Variants in WDR75 observed in about 807,000 individuals in gnomAD.
The protein encoded by WDR75 is WD repeat-containing protein 75.
In WDR75, 52 loss-of-function variants were observed where a neutral mutation model predicts 106.1. The observed-to-expected ratio is 0.49, with a 90% CI of 0.39 to 0.62. The LOEUF is 0.62. Ranked by LOEUF, WDR75 falls within the 20% of genes least tolerant of loss-of-function variation. WDR75 has a pLI of 0.00. For synonymous variants in WDR75, 333 were observed against 335.5 expected, an observed-to-expected ratio of 0.99 and a Z score of 0.08; for missense variants, 905 against 970.3, an observed-to-expected ratio of 0.93 and a Z score of 0.89.
chr2:189,472,468 A>G (rs910199790), intron 18 of WDR75, among the ~76,000 whole-genome samples: 1 of 152,086 alleles, frequency 6.6e-6, no homozygotes, highest in African/African-American at 2.4e-5. Context: ...ATGGTTCTCT[A>G]TTATTCTTAT....
rs1171655333 is a variant in WDR75 at position 189,466,466 on chromosome 2, G to A, written c.1331G>A (p.Cys444Tyr). ...AAAATTAACATGCCACACGAAGACT[G>A]CATTACAGCTCTCTGTTTCTGTAAT... The part of the protein sequence containing the change: ...NTKINMPHED[C>Y]ITALCFCNAE... The change falls in exon 13 of 21, where the codon TGC (cysteine) becomes TAC (tyrosine). Residue 444 changes from cysteine to tyrosine, a missense_variant. Physicochemically the swap from Cys to Tyr is radical, Grantham distance 194 (BLOSUM62 -2). Coordinates refer to ENST00000314761, the MANE Select transcript of WDR75 (RefSeq NM_032168.3). The A allele has an allele frequency of 1.2e-6, 2 of 1,613,156 alleles. No homozygotes were observed. The highest frequency in any genetic ancestry group is 8.5e-7 in the Non-Finnish European group (1 of 1,179,372).
At chr2:189,474,914 A>G (rs1687183301) in intron 20 of WDR75, 106 bp downstream of exon 20, 6 of 931,008 alleles carry the variant, frequency 6.4e-6, no homozygotes, top group Admixed American at 2.7e-5. Flanking sequence ...TTTTTATTTC[A>G]TAAGTTTTAA....
chr2:189,454,887 T>C (rs1014623122), intron 4 of WDR75, among the ~76,000 whole-genome samples: 22 of 152,190 alleles, frequency 1.4e-4, no homozygotes. Flanking sequence ...CTTTAAGGTA[T>C]GTTTTGTTCA....
chr2:189,447,200 C>T (rs1018992214), intron 1 of WDR75, among the ~76,000 whole-genome samples: 6 of 152,174 alleles, frequency 3.9e-5, no homozygotes, highest in Non-Finnish European at 7.3e-5. Context: ...AGAGCAAATA[C>T]TTTTTACTTG....
intron 1 of WDR75, among the ~76,000 whole-genome samples, chr2:189,442,411 T>G (rs982385399): frequency 2.6e-5 from 4 of 151,716 alleles, no homozygotes; most frequent in Admixed American, 6.6e-5. Context: ...AGAGATAGTA[T>G]TTTATGAAAG....
At chr2:189,454,529 T>G (rs1013373695) in intron 4 of WDR75, among the ~76,000 whole-genome samples, 2 of 92,044 alleles carry the variant, frequency 2.2e-5, no homozygotes, top group Non-Finnish European at 5.1e-5. Context: ...ATTTCTTTTG[T>G]TTTTTTTTTT....
intron 14 of WDR75, among the ~76,000 whole-genome samples, chr2:189,467,860 A>G (rs1687034408): frequency 1.3e-5 from 2 of 152,182 alleles, no homozygotes; most frequent in Non-Finnish European, 2.9e-5. Flanking sequence ...CTTGGCCTAC[A>G]TATTTTTTCT....
Position 189,458,293 on chromosome 2 carries a change from A to G in WDR75, c.570-460A>G, listed in dbSNP as rs564698201. Among the ~76,000 whole-genome samples the G allele has an allele frequency of 3.5e-4, 54 of 152,300 alleles. No homozygotes were observed. In the South Asian group the frequency reaches 0.01, roughly 29 times the overall value. On this transcript the variant is annotated intron_variant, in intron 6 of 20. Coordinates refer to ENST00000314761, the MANE Select transcript of WDR75 (RefSeq NM_032168.3). ...CCTGAAGATTGACAAGTATTCAGCC[A>G]AAGAATAGGAAATAGGCTAGATATT...
intron 1 of WDR75, among the ~76,000 whole-genome samples, chr2:189,442,747 C>A (rs1686409207): frequency 6.6e-6 from 1 of 152,040 alleles, no homozygotes; most frequent in Admixed American, 6.5e-5. Flanking sequence ...GTGCCCGGCC[C>A]ACCCCCACAA....
intron 16 of WDR75, among the ~76,000 whole-genome samples, chr2:189,469,662 T>G (rs1687077455): frequency 6.6e-6 from 1 of 152,178 alleles, no homozygotes; most frequent in African/African-American, 2.4e-5. Context: ...CAATTCGTAC[T>G]CAATCTTTAA....
chr2:189,467,671 T>C (rs1314912765), intron 14 of WDR75, 23 bp downstream of exon 14: 18 of 1,551,902 alleles, frequency 1.2e-5, no homozygotes, highest in Non-Finnish European at 1.5e-5. Context: ...TCGGGAAGTA[T>C]GTAGTACTAT....
Position 189,448,414 on chromosome 2 carries a change from T to G in WDR75, c.122T>G (p.Val41Gly). The change falls in exon 2 of 21, where the codon GTT becomes GGT. Residue 41 changes from valine to glycine, a missense_variant. Transcript: ENST00000314761. ...TGTGTCTCTGGAGACTTTGTTAAAG[T>G]TTACAGCACAGTTACAGAAGAGTGT... ...IFCVSGDFVK[V>G]YSTVTEECVH... 1 of 1,613,662 alleles carries G rather than the reference T, an allele frequency of 6.2e-7. No homozygotes were observed. The highest frequency in any genetic ancestry group is 8.5e-7 in the Non-Finnish European group (1 of 1,179,812).
chr2:189,445,473 A>G (rs1686477530), intron 1 of WDR75, among the ~76,000 whole-genome samples: 1 of 152,182 alleles, frequency 6.6e-6, no homozygotes, highest in African/African-American at 2.4e-5. Context: ...GGCTTCCGGG[A>G]GAAAATTCTG....
Position 189,462,572 on chromosome 2 carries a change from A to AGGAG in WDR75, c.868_871dup (p.Ala291GlyfsTer5). 1 of 1,614,082 alleles carries AGGAG rather than the reference A, an allele frequency of 6.2e-7. No homozygotes were observed. Among genetic ancestry groups the AGGAG allele is most frequent in the Non-Finnish European group, 8.5e-7 (1 of 1,179,986 alleles). Reference sequence around the variant, plus strand: ...AGAATAAGGAGTTTCTCCCGCGTTTAGGAGCTACTATTGAACATATCTCAG... The same window carrying AGGAG: ...AGAATAAGGAGTTTCTCCCGCGTTTAGGAGGGAGCTACTATTGAACATATCTCAG... On this transcript the variant is annotated frameshift_variant, in exon 9 of 21. Coordinates refer to ENST00000314761, the MANE Select transcript of WDR75 (RefSeq NM_032168.3). LOFTEE classifies it high-confidence loss of function.
chr2:189,470,288 A>G (rs1351402516), intron 17 of WDR75, 43 bp downstream of exon 17: 2 of 1,574,028 alleles, frequency 1.3e-6, no homozygotes, highest in Non-Finnish European at 1.7e-6. Flanking sequence ...TGTACATGGA[A>G]TTTTAGACTA....
At position 189,465,219 on chromosome 2, in the gene WDR75, A is replaced by T; in HGVS notation, c.1254A>T (p.Gln418His). Residue 418 changes from glutamine to histidine, a missense_variant, in exon 12 of 21, where the codon CAA (glutamine) becomes CAT (histidine). By Grantham distance (24) the Gln-to-His change is conservative. Coordinates refer to ENST00000314761, the MANE Select transcript of WDR75 (RefSeq NM_032168.3). ...AAAAGGAAACTGAGCTTGAATTGCA[A>T]ATGAAACTGTGGATGTATAATAAGA... is the stretch of plus-strand genomic sequence containing the variant. ...RQEKETELELQMKLWMYNKKT... is the reference protein window; with the variant it reads ...RQEKETELELHMKLWMYNKKT... The T allele has an allele frequency of 6.2e-7, 1 of 1,613,048 alleles. No individual in the cohort carries two copies. Among genetic ancestry groups the T allele is most frequent in the Non-Finnish European group, 8.5e-7 (1 of 1,179,282 alleles).
chr2:189,450,732 G>C (rs1341729050), intron 2 of WDR75, 171 bp from the exon 3 acceptor site: 5 of 1,410,160 alleles, frequency 3.5e-6, no homozygotes, highest in Admixed American at 7.0e-5. Flanking sequence ...CTTGCAGAAA[G>C]CTGTGAAAAG....
intron 5 of WDR75, among the ~76,000 whole-genome samples, 183 bp from the exon 6 acceptor site, chr2:189,457,122 TCCCAGC>T (rs1686753464): frequency 6.6e-6 from 1 of 151,926 alleles, no homozygotes; most frequent in Non-Finnish European, 1.5e-5. Flanking sequence ...GTGCCTGTAA[TCCCAGC>T]TACTTGGGAG....
rs1686564202 is a variant in WDR75 at position 189,449,169 on chromosome 2, A to C, written c.216+661A>C. ...TTAATTCTGTTCTTAAGTTTCGGCAAATCTACTAAAATTTTATCTCAACAA... is the reference window on the plus strand; with the variant it reads ...TTAATTCTGTTCTTAAGTTTCGGCACATCTACTAAAATTTTATCTCAACAA... On this transcript the variant is annotated intron_variant, in intron 2 of 20. Transcript: ENST00000314761. 9.0e-6 allele frequency: 10 copies of C among 1,106,176 alleles called. No homozygotes were observed. The South Asian group carries it at 1.3e-4, about 15-fold the overall frequency. The allele number at this position is 1,106,176 out of a possible 1,614,324, so 68.5% of individuals were successfully genotyped here.
Sources: allele counts gnomAD v4.1 joint callset (sites outside exome capture counted in the v4.1 genomes callset), GRCh38; gene constraint gnomAD v4.1.1; transcripts MANE v1.5; gene names NCBI Gene and HGNC (gene_info 2026-07-23, HGNC 2026-07-21).